The following DNAH8 variants were observed in gnomAD, a reference collection of about 807,000 sequenced individuals.
The protein encoded by DNAH8 is dynein axonemal heavy chain 8, also known as axonemal beta dynein heavy chain 8.
A neutral mutation model predicts 562.1 loss-of-function variants in DNAH8; 382 were observed. The ratio of observed to expected loss-of-function variants is 0.68; its 90% CI spans 0.63 to 0.74. The LOEUF (loss-of-function observed/expected upper bound fraction) is 0.74, where lower values mean the gene tolerates loss of function less well. Ranked by LOEUF, DNAH8 falls within the 30% of genes least tolerant of loss-of-function variation. The pLI, the probability that DNAH8 is intolerant of heterozygous loss-of-function variation, is 0.00. For synonymous variants in DNAH8, 1,881 were observed against 1,919.4 expected (o/e 0.98, Z 0.52); for missense variants, 5,203 against 5,620.4 (o/e 0.93, Z 2.37).
chr6:38,908,173 G>T, intron 64 of DNAH8, 53 bp downstream of exon 64: 2 of 1,118,188 alleles, frequency 1.8e-6, no homozygotes, highest in South Asian at 2.1e-5. Flanking sequence ...TTATTTAAAG[G>T]TGCTTAGTTT....
Position 38,873,758 on chromosome 6 carries a change from ACACACACACACC to A in DNAH8, c.7620+384_7620+395del, listed in dbSNP as rs1462057180. On this transcript the variant is annotated intron_variant, in intron 52 of 92. Transcript: ENST00000327475. The stretch of plus-strand genomic sequence containing the variant: ...CACACACACACACACACACACACAC[ACACACACACACC>A]CCTGCACTCCAGCTGGGGCGACAGA... 4.0e-3 allele frequency among the ~76,000 whole-genome samples: 210 copies of A among 52,464 alleles called. 2 individuals carry two copies. The East Asian group carries it at 0.09, about 22-fold the overall frequency. The allele number at this position is 52,464 out of a possible 152,430, so 34.4% of individuals were successfully genotyped here.
chr6:38,825,803 A>C (rs1022526832), intron 28 of DNAH8, among the ~76,000 whole-genome samples: 8 of 152,166 alleles, frequency 5.3e-5, no homozygotes, highest in Non-Finnish European at 1.5e-5. Context: ...ACTCCACCTC[A>C]TGGGATCTCT....
chr6:38,728,150 T>C lies in DNAH8; in HGVS notation c.526-1752T>C, dbSNP rs540981976. 3.4e-4 allele frequency among the ~76,000 whole-genome samples: 51 copies of C among 152,172 alleles called. No homozygotes were observed. In the South Asian group the frequency reaches 0.01, roughly 31 times the overall value. Reference sequence around the variant, plus strand: ...CCAGCTAATTTTTTTGGTATTTTTATAGAGAGGAGATTTCGCCATGTTTCT... The same window carrying C: ...CCAGCTAATTTTTTTGGTATTTTTACAGAGAGGAGATTTCGCCATGTTTCT... On this transcript the variant is annotated intron_variant, in intron 3 of 92. Coordinates refer to ENST00000327475, the MANE Select transcript of DNAH8 (RefSeq NM_001206927.2).
chr6:38,761,451 A>C (rs1354120492), intron 10 of DNAH8, among the ~76,000 whole-genome samples: 4 of 147,414 alleles, frequency 2.7e-5, no homozygotes, highest in African/African-American at 9.9e-5. Flanking sequence ...GTTTTTTTTT[A>C]ATGTTATTAT....
intron 24 of DNAH8, among the ~76,000 whole-genome samples, chr6:38,810,670 G>A (rs1771717158): frequency 6.6e-6 from 1 of 151,960 alleles, no homozygotes; most frequent in Non-Finnish European, 1.5e-5. Flanking sequence ...AAGGGCCTTG[G>A]CAGGCTTTAC....
At chr6:38,731,768 G>A (rs544046795) in intron 4 of DNAH8, among the ~76,000 whole-genome samples, 1 of 152,326 alleles carries the variant, frequency 6.6e-6, no homozygotes, top group Non-Finnish European at 1.5e-5. Flanking sequence ...AGGCTGGAGT[G>A]CAATGGTGCC....
At chr6:38,792,083 C>G (rs1406830636) in intron 21 of DNAH8, among the ~76,000 whole-genome samples, 2 of 152,046 alleles carry the variant, frequency 1.3e-5, no homozygotes, top group Non-Finnish European at 2.9e-5. Context: ...TCCTGAGAGG[C>G]TTAGCCAGGA....
At chr6:38,743,179 G>A (rs1000458592) in intron 8 of DNAH8, among the ~76,000 whole-genome samples, 4 of 151,516 alleles carry the variant, frequency 2.6e-5, no homozygotes, top group East Asian at 1.9e-4. Context: ...CACCATGCCC[G>A]ACTAATTAAA....
Position 38,738,440 on chromosome 6 carries a change from A to C in DNAH8, c.1116+468A>C, listed in dbSNP as rs149002320. 1.5e-3 allele frequency among the ~76,000 whole-genome samples: 230 copies of C among 152,288 alleles called. No individual in the cohort carries two copies. In the Middle Eastern group the frequency reaches 0.017, roughly 11 times the overall value. ...TGGCAAGCCTGCAGCTCTATGGTCA[A>C]ATTTTTTCTGGCAGTAAGGAAAGTA... On this transcript the variant is annotated intron_variant, in intron 7 of 92. Coordinates refer to ENST00000327475, the MANE Select transcript of DNAH8 (RefSeq NM_001206927.2).
At chr6:38,803,935 T>C (rs1771020167) in intron 22 of DNAH8, among the ~76,000 whole-genome samples, 1 of 152,102 alleles carries the variant, frequency 6.6e-6, no homozygotes, top group Non-Finnish European at 1.5e-5. Flanking sequence ...CCCCCTCCCA[T>C]GATTAAAGGA....
At position 38,857,506 on chromosome 6, in the gene DNAH8, C is replaced by T; in HGVS notation, c.5734-12C>T. ...TTTGGCAAATTTTAATATTTTTCTG[C>T]TGGATCTGTAGGTTGGACTTCTGGG... On this transcript the variant is annotated splice_polypyrimidine_tract_variant and intron_variant, in intron 41 of 92. Transcript: ENST00000327475. The T allele has an allele frequency of 6.4e-7, 1 of 1,568,572 alleles. No homozygotes were observed. Among genetic ancestry groups the T allele is most frequent in the Non-Finnish European group, 8.7e-7 (1 of 1,150,410 alleles).
At chr6:38,961,485 A>G (rs1283124663) in intron 82 of DNAH8, among the ~76,000 whole-genome samples, 2 of 152,032 alleles carry the variant, frequency 1.3e-5, no homozygotes, top group African/African-American at 4.8e-5. Flanking sequence ...ACATCAAGAA[A>G]TAACTTGCAA....
intron 82 of DNAH8, among the ~76,000 whole-genome samples, chr6:38,967,982 C>A (rs1763082841): frequency 6.6e-6 from 1 of 151,918 alleles, no homozygotes; most frequent in Non-Finnish European, 1.5e-5. Flanking sequence ...AGAAATAAAC[C>A]CAGCCCTCAC....
At chr6:38,878,963 A>G (rs1313121112) in intron 53 of DNAH8, among the ~76,000 whole-genome samples, 3 of 152,164 alleles carry the variant, frequency 2.0e-5, no homozygotes, top group Non-Finnish European at 4.4e-5. Context: ...TATTGTATCC[A>G]TAAACCATAA....
At chr6:38,820,189 A>G (rs1395871835) in intron 26 of DNAH8, among the ~76,000 whole-genome samples, 1 of 152,224 alleles carries the variant, frequency 6.6e-6, no homozygotes, top group Non-Finnish European at 1.5e-5. Context: ...GGAGTGTTAC[A>G]AAGCCAGGCT....
At chr6:38,777,369 T>C (rs895354992) in intron 13 of DNAH8, among the ~76,000 whole-genome samples, 1 of 152,210 alleles carries the variant, frequency 6.6e-6, no homozygotes, top group African/African-American at 2.4e-5. Context: ...TAGCTTTCAG[T>C]AAATTACAGC....
chr6:38,898,111 C>G (rs1195734357), intron 60 of DNAH8, 147 bp from the exon 61 acceptor site: 2 of 696,146 alleles, frequency 2.9e-6, no homozygotes, highest in Non-Finnish European at 4.4e-6. Flanking sequence ...TAAAAGTAGA[C>G]TAATACGTGA....
intron 87 of DNAH8, 175 bp downstream of exon 87, chr6:38,984,482 A>AC (rs1764244443): frequency 1.8e-6 from 1 of 565,118 alleles, no homozygotes; most frequent in South Asian, 2.1e-5. Flanking sequence ...ACACACACAC[A>AC]CACACACACA....
intron 63 of DNAH8, 145 bp from the exon 64 acceptor site, chr6:38,907,811 C>A: frequency 6.1e-6 from 4 of 652,030 alleles, no homozygotes; most frequent in Non-Finnish European, 9.4e-6. Flanking sequence ...TCATCTCTGG[C>A]AAATCAGGGA....
Sources: allele counts gnomAD v4.1 joint callset (sites outside exome capture counted in the v4.1 genomes callset), GRCh38; gene constraint gnomAD v4.1.1; transcripts MANE v1.5; gene names NCBI Gene and HGNC (gene_info 2026-07-23, HGNC 2026-07-21).